The following PHKA2 variants were observed in gnomAD, a reference collection of about 807,000 sequenced individuals.
PHKA2 encodes phosphorylase b kinase regulatory subunit alpha, liver isoform.
A neutral mutation model predicts 102.0 loss-of-function variants in PHKA2; 31 were observed. The observed-to-expected ratio is 0.30, with a 90% CI of 0.23 to 0.41. PHKA2 has a LOEUF of 0.41. Ranked by LOEUF, PHKA2 falls within the 10% of genes least tolerant of loss-of-function variation. The pLI is 1.00. For synonymous variants in PHKA2, 455 were observed against 416.2 expected, an observed-to-expected ratio of 1.09 and a Z score of -1.13; for missense variants, 858 against 1,023.1, an observed-to-expected ratio of 0.84 and a Z score of 2.20.
At chrX:18,978,470 T>C (rs924680850) in intron 1 of PHKA2, among the ~76,000 whole-genome samples, 2 of 111,736 alleles carry the variant, frequency 1.8e-5, no homozygotes, top group Non-Finnish European at 3.8e-5. Context: ...TCCCAGCACT[T>C]TGAGAGGCTG....
At chrX:18,955,817 C>T (rs2048765328) in intron 1 of PHKA2, among the ~76,000 whole-genome samples, 1 of 112,024 alleles carries the variant, frequency 8.9e-6, no homozygotes, top group South Asian at 3.7e-4. Flanking sequence ...TGACTTTCTC[C>T]TCTAACAAAT....
At position 18,954,406 on chromosome X, in the gene PHKA2, C is replaced by T. The variant is rs1085307784; in HGVS notation, c.85G>A (p.Val29Ile). 7 of 1,209,271 alleles carry T rather than the reference C, an allele frequency of 5.8e-6. No individual in the cohort carries two copies. Among genetic ancestry groups the T allele is most frequent in the South Asian group, 1.8e-5 (1 of 56,888 alleles). ...QQTILCYQNPVTGLLSASHEQ... is the reference protein window; with the variant it reads ...QQTILCYQNPITGLLSASHEQ... ...TGGCTGGCTGACAGCAGCCCCGTGA[C>T]GGGATTCTATTAGAGAAGAGACACA... is the stretch of plus-strand genomic sequence containing the variant. The change falls in exon 2 of 33, where the codon GTC (valine) becomes ATC (isoleucine). Residue 29 changes from valine to isoleucine, a missense_variant. By Grantham distance (29) the Val-to-Ile change is conservative. Around this residue, in one of 2 missense-constraint regions of PHKA2, gnomAD observed 187 missense variants for 277.9 expected, o/e 0.67. Coordinates refer to ENST00000379942, the MANE Select transcript of PHKA2 (RefSeq NM_000292.3).
chrX:18,963,538 C>A (rs896763433), intron 1 of PHKA2, among the ~76,000 whole-genome samples: 7 of 112,019 alleles, frequency 6.2e-5, no homozygotes, highest in African/African-American at 1.3e-4. Context: ...CTAGGCCAAT[C>A]CCCTGGACTT....
At chrX:18,976,343 A>G (rs2049090617) in intron 1 of PHKA2, among the ~76,000 whole-genome samples, 1 of 111,951 alleles carries the variant, frequency 8.9e-6, no homozygotes, top group South Asian at 3.7e-4. Context: ...TTCTCTGTAA[A>G]AGCATCTTGG....
At chrX:18,924,818 A>G (rs2048185391) in intron 15 of PHKA2, among the ~76,000 whole-genome samples, 1 of 112,018 alleles carries the variant, frequency 8.9e-6, no homozygotes, top group African/African-American at 3.2e-5. Context: ...TCTGAAAGCA[A>G]ATCAATAACT....
At chrX:18,943,893 G>A in intron 6 of PHKA2, 85 bp from the exon 7 acceptor site, 1 of 661,463 alleles carries the variant, frequency 1.5e-6, no homozygotes, top group Admixed American at 2.3e-5. Context: ...AAGCAATCTA[G>A]TATACATGTT....
chrX:18,941,419 C>T (rs2048486998), intron 8 of PHKA2, 110 bp downstream of exon 8: 1 of 686,747 alleles, frequency 1.5e-6, no homozygotes, highest in East Asian at 3.2e-5. Flanking sequence ...ACGCTGTATG[C>T]ATCTGCTTAG....
intron 4 of PHKA2, among the ~76,000 whole-genome samples, chrX:18,950,565 C>A (rs2048664324): frequency 8.9e-6 from 1 of 112,871 alleles, no homozygotes; most frequent in African/African-American, 3.2e-5. Flanking sequence ...GGTCCCTGCA[C>A]TCCCTGCCCT....
intron 22 of PHKA2, among the ~76,000 whole-genome samples, chrX:18,907,530 G>C (rs912412174): frequency 8.0e-5 from 9 of 111,836 alleles, no homozygotes; most frequent in Admixed American, 3.8e-4. Context: ...CACTGAACTC[G>C]AGTGTCTTAG....
intron 8 of PHKA2, among the ~76,000 whole-genome samples, chrX:18,941,282 G>A (rs1053753414): frequency 9.0e-6 from 1 of 111,656 alleles, no homozygotes; most frequent in African/African-American, 3.3e-5. Context: ...TGCCTTAGAA[G>A]TATGGTACTG....
intron 17 of PHKA2, among the ~76,000 whole-genome samples, chrX:18,921,604 C>A (rs2048124392): frequency 8.9e-6 from 1 of 111,925 alleles, no homozygotes; most frequent in African/African-American, 3.3e-5. Flanking sequence ...ATTTATAAAG[C>A]TCTTAATGAT....
At chrX:18,925,882 A>G (rs1441460324) in intron 14 of PHKA2, 105 bp from the exon 15 acceptor site, 3 of 564,064 alleles carry the variant, frequency 5.3e-6, no homozygotes, top group Non-Finnish European at 6.2e-6. Flanking sequence ...TAGACAACCC[A>G]TTTTGGGGCT....
Position 18,941,692 on chromosome X carries a change from G to T in PHKA2, c.718-17C>A. 1 of 1,138,224 alleles carries T rather than the reference G, an allele frequency of 8.8e-7. No homozygotes were observed. The highest frequency in any genetic ancestry group is 1.2e-6 in the Non-Finnish European group (1 of 827,869). 93.8% of individuals were successfully genotyped at this position (1,138,224 alleles called of 1,213,427 possible). On this transcript the variant is annotated splice_polypyrimidine_tract_variant and intron_variant, in intron 7 of 32. Transcript: ENST00000379942. Reference sequence around the variant, plus strand: ...CAGAATAGACTGAATGAAAAACAAAGAGGTGGTTTAACCTGGAGATGCGCT... The same window carrying T: ...CAGAATAGACTGAATGAAAAACAAATAGGTGGTTTAACCTGGAGATGCGCT...
chrX:18,969,001 C>T (rs1247429613), intron 1 of PHKA2, among the ~76,000 whole-genome samples: 1 of 110,970 alleles, frequency 9.0e-6, no homozygotes, highest in Non-Finnish European at 1.9e-5. Flanking sequence ...CCTGTAATTC[C>T]AGCTACTTGG....
chrX:18,957,737 A>ATT (rs1491566071), intron 1 of PHKA2, among the ~76,000 whole-genome samples: 14 of 93,857 alleles, frequency 1.5e-4, no homozygotes, highest in African/African-American at 4.9e-4. Flanking sequence ...CTAAAACCAG[A>ATT]TTATATATAT....
intron 19 of PHKA2, among the ~76,000 whole-genome samples, chrX:18,911,976 G>A (rs941589338): frequency 8.9e-6 from 1 of 111,995 alleles, no homozygotes; most frequent in African/African-American, 3.3e-5. Context: ...ACTTCACTCT[G>A]CCACTGCTGG....
chrX:18,980,945 AAC>A (rs1361219684), intron 1 of PHKA2, among the ~76,000 whole-genome samples: 1 of 112,105 alleles, frequency 8.9e-6, no homozygotes. Flanking sequence ...GCAAATCAGA[AAC>A]AGAGTTTAGA....
At chrX:18,908,083 A>C (rs2047854881) in intron 21 of PHKA2, 27 bp from the exon 22 acceptor site, 1 of 1,192,442 alleles carries the variant, frequency 8.4e-7, no homozygotes, top group South Asian at 1.8e-5. Context: ...AAACCCAGAA[A>C]TATGGTCCAG....
At position 18,923,866 on chromosome X, in the gene PHKA2, C is replaced by A. The variant is rs997133741; in HGVS notation, c.1793+190G>T. Among the ~76,000 whole-genome samples, 3 of 111,703 alleles carry A rather than the reference C, an allele frequency of 2.7e-5. No homozygotes were observed. The Admixed American group carries it at 2.8e-4, about 11-fold the overall frequency. ...CCTGTAAAGCTTAAAAGATATCAGC[C>A]GAGTGCTGTTTCAGAGATGAGCCAA... On this transcript the variant is annotated intron_variant, in intron 17 of 32. Transcript: ENST00000379942.
Sources: allele counts gnomAD v4.1 joint callset (sites outside exome capture counted in the v4.1 genomes callset), GRCh38; gene constraint gnomAD v4.1.1; regional missense constraint gnomAD v4.1.1; transcripts MANE v1.5; gene names NCBI Gene and HGNC (gene_info 2026-07-23, HGNC 2026-07-21).